ITGA4: variants seen among roughly 807,000 people sequenced by gnomAD.
ITGA4 encodes integrin subunit alpha 4, also known as integrin alpha-4.
A neutral mutation model predicts 133.6 loss-of-function variants in ITGA4; 63 were observed. The observed-to-expected ratio is 0.47, with a 90% confidence interval of 0.38 to 0.58. ITGA4 has a LOEUF of 0.58. ITGA4 is among the 20% of genes least tolerant of loss of function. ITGA4 has a pLI of 0.00. For missense variants in ITGA4, 1,076 were observed against 1,252.7 expected, an observed-to-expected ratio of 0.86 and a Z score of 2.13; for synonymous variants, 483 against 438.0, an observed-to-expected ratio of 1.10 and a Z score of -1.28.
At chr2:181,490,867 AT>A (rs1368402892) in intron 10 of ITGA4, among the ~76,000 whole-genome samples, 2 of 152,224 alleles carry the variant, frequency 1.3e-5, no homozygotes, top group Non-Finnish European at 2.9e-5. Flanking sequence ...CATACTAATA[AT>A]TTTGATTTAT....
At chr2:181,461,829 TG>T (rs1448625025) in intron 2 of ITGA4, among the ~76,000 whole-genome samples, 1 of 152,172 alleles carries the variant, frequency 6.6e-6, no homozygotes, top group Non-Finnish European at 1.5e-5. Flanking sequence ...TAACCACAGG[TG>T]GCTTTGAACA....
At position 181,524,229 on chromosome 2, in the gene ITGA4, G is replaced by C. The variant is rs1686787194; in HGVS notation, c.2228G>C (p.Ser743Thr). The change falls in exon 20 of 28, where the codon AGT becomes ACT. Residue 743 changes from serine to threonine, a missense_variant. Ser to Thr is a moderately conservative substitution (Grantham distance 58). This residue lies in a region of ITGA4 where 365 missense variants were observed against 421.4 expected (regional missense o/e 0.87). Coordinates refer to ENST00000397033, the MANE Select transcript of ITGA4 (RefSeq NM_000885.6). ...CTCAGCAGAGCGGAAGAGGACCTCA[G>C]TATCACAGTGCATGCTACCTGGTAT... ...SSLSRAEEDLSITVHATCENE... is the reference protein window; with the variant it reads ...SSLSRAEEDLTITVHATCENE... 1 of 1,588,638 alleles carries C rather than the reference G, an allele frequency of 6.3e-7. No homozygotes were observed.
intron 2 of ITGA4, among the ~76,000 whole-genome samples, chr2:181,463,475 G>A (rs538651018): frequency 6.6e-6 from 1 of 152,208 alleles, no homozygotes; most frequent in East Asian, 1.9e-4. Flanking sequence ...AAGGACACTG[G>A]CAATAGCAGT....
At chr2:181,488,223 G>A (rs754194972) in intron 10 of ITGA4, among the ~76,000 whole-genome samples, 8 of 152,150 alleles carry the variant, frequency 5.3e-5, no homozygotes, top group Non-Finnish European at 1.2e-4. Context: ...TTCCAGTGGT[G>A]TGAAGGACAG....
In ITGA4 at chr2:181,516,384, G is replaced by GT. The variant is rs1301789823; in HGVS notation, c.1922+4610dup. The stretch of plus-strand genomic sequence containing the variant: ...TTGAGGAAGGATGTTCACAGGTTTG[G>GT]TGAACAGCTACCAAAGACTAGACAT... On this transcript the variant is annotated intron_variant, in intron 17 of 27. Transcript: ENST00000397033. This position sits in a 1 kb window ranked among gnomAD's most constrained non-coding sequence, Gnocchi z 4.0. Among the ~76,000 whole-genome samples the GT allele has an allele frequency of 6.6e-6, 1 of 152,072 alleles. No individual in the cohort carries two copies. The highest frequency in any genetic ancestry group is 2.4e-5 in the African/African-American group (1 of 41,422).
At chr2:181,491,657 G>A (rs916869981) in intron 10 of ITGA4, among the ~76,000 whole-genome samples, 1 of 133,564 alleles carries the variant, frequency 7.5e-6, no homozygotes, top group Non-Finnish European at 1.6e-5. Context: ...TAACCACAGT[G>A]GTGGAAGTAT....
rs12614187 is a variant in ITGA4, at chr2:181,537,764, C to T, written c.*2237C>T. 0.13 allele frequency: 57,624 copies of T among 448,878 alleles called. 4,598 individuals are homozygous for T. Among genetic ancestry groups the T allele is most frequent in the African/African-American group, 0.22 (10,952 of 49,718 alleles). The allele number at this position is 448,878 out of a possible 1,614,324, so 27.8% of individuals were successfully genotyped here. ...TAAAAAAAAGAATTTGAATTGATAT[C>T]TAAAAACAGAATTTGAATTGATATT... On this transcript the variant is annotated 3_prime_UTR_variant, in exon 28 of 28. Transcript: ENST00000397033.
At chr2:181,499,991 G>A (rs1686236646) in intron 15 of ITGA4, among the ~76,000 whole-genome samples, 1 of 152,168 alleles carries the variant, frequency 6.6e-6, no homozygotes, top group Non-Finnish European at 1.5e-5. Flanking sequence ...CTTTTTCGGA[G>A]TAAATTTGTA....
At chr2:181,525,109 C>CT in intron 20 of ITGA4, 93 bp from the exon 21 acceptor site, 1 of 661,406 alleles carries the variant, frequency 1.5e-6, no homozygotes, top group Non-Finnish European at 2.6e-6. Flanking sequence ...AAGCAAACCT[C>CT]TGAGTATATT....
chr2:181,460,566 AGTGTGTGTGT>A lies in ITGA4; in HGVS notation c.319+2277_319+2286del, dbSNP rs61016862. 2.8e-4 allele frequency among the ~76,000 whole-genome samples: 41 copies of A among 148,070 alleles called. No individual in the cohort carries two copies. In the East Asian group the frequency reaches 5.7e-3, roughly 21 times the overall value. On this transcript the variant is annotated intron_variant, in intron 2 of 27. Transcript: ENST00000397033. ...ATATATAAGCCATCTTCTGTAGAAGAGTGTGTGTGTGTGTGTGTGTGTGTGTGTGTGTGTG... is the reference window on the plus strand; with the variant it reads ...ATATATAAGCCATCTTCTGTAGAAGAGTGTGTGTGTGTGTGTGTGTGTGTG...
At chr2:181,458,632 G>A (rs563177389) in intron 2 of ITGA4, 8 of 327,062 alleles carry the variant, frequency 2.4e-5, no homozygotes, top group African/African-American at 1.5e-4. Context: ...CTCTCTCAGC[G>A]TATTAAGGAC....
At chr2:181,487,193 G>A (rs1157992972) in intron 10 of ITGA4, among the ~76,000 whole-genome samples, 1 of 152,050 alleles carries the variant, frequency 6.6e-6, no homozygotes, top group Non-Finnish European at 1.5e-5. Flanking sequence ...ATGAATGGGA[G>A]CCTCTCTGTA....
At chr2:181,479,833 A>G (rs1272817139) in intron 5 of ITGA4, 2 of 172,862 alleles carry the variant, frequency 1.2e-5, no homozygotes, top group Admixed American at 6.3e-5. Flanking sequence ...AATAGGAACC[A>G]CATTGCCTTT....
At chr2:181,524,362 T>C (rs1686790383) in intron 20 of ITGA4, 112 bp downstream of exon 20, 1 of 590,200 alleles carries the variant, frequency 1.7e-6, no homozygotes, top group East Asian at 3.2e-5. Flanking sequence ...AAAACTTCTC[T>C]TACGTGGTAT....
chr2:181,458,097 G>A, intron 1 of ITGA4, 99 bp from the exon 2 acceptor site: 1 of 1,523,164 alleles, frequency 6.6e-7, no homozygotes, highest in Non-Finnish European at 9.0e-7. Flanking sequence ...GGAGGAGGTG[G>A]GGAAGCTGCC....
chr2:181,515,062 A>T (rs141841320), intron 17 of ITGA4, among the ~76,000 whole-genome samples: 2 of 152,080 alleles, frequency 1.3e-5, no homozygotes, highest in East Asian at 3.9e-4. Flanking sequence ...CCTAGGCCCC[A>T]GACCATCCAC....
intron 17 of ITGA4, among the ~76,000 whole-genome samples, chr2:181,514,086 A>T (rs1412565628): frequency 6.6e-6 from 1 of 152,168 alleles, no homozygotes; most frequent in African/African-American, 2.4e-5. Context: ...CTTAGTTAAG[A>T]ATCTCCTTAT....
intron 19 of ITGA4, 87 bp from the exon 20 acceptor site, chr2:181,524,084 A>G: frequency 1.2e-6 from 1 of 804,656 alleles, no homozygotes; most frequent in South Asian, 1.7e-5. Flanking sequence ...CATTCCATAG[A>G]ACATAAACTT....
rs1479015756 is a variant in ITGA4, at chr2:181,537,342, ACAGGCCTCT to A, written c.*1819_*1827del. On this transcript the variant is annotated 3_prime_UTR_variant, in exon 28 of 28. Transcript: ENST00000397033. Reference sequence around the variant, plus strand: ...AAGCAGAGTACTATGGTTGTCCAACACAGGCCTCTCAGATACAAGGGGAACACAATTACA... The same window carrying A: ...AAGCAGAGTACTATGGTTGTCCAACACAGATACAAGGGGAACACAATTACA... 13 of 453,716 alleles carry A rather than the reference ACAGGCCTCT, an allele frequency of 2.9e-5. No homozygotes were observed. The highest frequency in any genetic ancestry group is 5.7e-5 in the Non-Finnish European group (13 of 226,724). 28.1% of individuals were successfully genotyped at this position (453,716 alleles called of 1,614,324 possible). A position where few individuals can be genotyped will look rare whatever the true frequency, so the allele number is the denominator to read the frequency against.
Sources: gnomAD v4.1 joint callset for allele counts (sites outside exome capture counted in the v4.1 genomes callset) on GRCh38, gnomAD v4.1.1 for gene constraint, gnomAD v4.1.1 regional missense constraint, Gnocchi (gnomAD v3.1) non-coding constraint, MANE v1.5 for transcripts, NCBI Gene and HGNC (gene_info 2026-07-23, HGNC 2026-07-21) for gene names.